Variants in FANK1 observed in about 807,000 individuals in gnomAD.
The protein encoded by FANK1 is fibronectin type 3 and ankyrin repeat domains protein 1.
FANK1 carries 44 observed loss-of-function variants against 45.3 expected under a neutral mutation model. The ratio of observed to expected loss-of-function variants is 0.97; its 90% CI spans 0.76 to 1.25. FANK1 has a LOEUF of 1.25. FANK1 is among the 50% of genes most tolerant of loss of function. The pLI is 0.00. For synonymous variants in FANK1, 149 were observed against 152.5 expected, an observed-to-expected ratio of 0.98 and a Z score of 0.17; for missense variants, 391 against 424.4, an observed-to-expected ratio of 0.92 and a Z score of 0.69.
At chr10:125,914,844 T>C (rs528444973) in intron 1 of FANK1, among the ~76,000 whole-genome samples, 1 of 152,138 alleles carries the variant, frequency 6.6e-6, no homozygotes, top group African/African-American at 2.4e-5. Context: ...AAGTGAGGTC[T>C]GAACTCCCGG....
chr10:125,945,915 G>C (rs550577953), intron 1 of FANK1, among the ~76,000 whole-genome samples: 9 of 152,336 alleles, frequency 5.9e-5, no homozygotes, highest in African/African-American at 2.2e-4. Context: ...AGAACCGGCA[G>C]ACTGCCTCCT....
intron 1 of FANK1, chr10:125,960,343 C>T (rs112328574): frequency 9.0e-5 from 20 of 221,868 alleles, no homozygotes; most frequent in South Asian, 4.9e-4. Flanking sequence ...CTCTCCACGC[C>T]GACCTGCAGC....
intron 1 of FANK1, among the ~76,000 whole-genome samples, chr10:125,964,928 G>T (rs1310989415): frequency 6.6e-6 from 1 of 152,208 alleles, no homozygotes; most frequent in Non-Finnish European, 1.5e-5. Context: ...GGAGGCCAAG[G>T]CTGGCGGAGC....
At chr10:125,920,985 C>T (rs1199275939) in intron 1 of FANK1, among the ~76,000 whole-genome samples, 3 of 152,164 alleles carry the variant, frequency 2.0e-5, no homozygotes, top group African/African-American at 7.2e-5. Context: ...TGTCCACCTT[C>T]CTGCTTCCTC....
chr10:125,967,038 T>G (rs1232807708), intron 1 of FANK1, among the ~76,000 whole-genome samples: 1 of 152,246 alleles, frequency 6.6e-6, no homozygotes, highest in African/African-American at 2.4e-5. Context: ...TTCCACACTT[T>G]TAATGACTAA....
intron 1 of FANK1, among the ~76,000 whole-genome samples, chr10:125,950,196 A>G (rs1254597950): frequency 6.6e-6 from 1 of 151,190 alleles, no homozygotes; most frequent in Non-Finnish European, 1.5e-5. Flanking sequence ...CATTCAGGAC[A>G]TAGGCATGGG....
chr10:125,971,788 AT>A (rs954392047), intron 1 of FANK1, among the ~76,000 whole-genome samples: 19 of 151,910 alleles, frequency 1.3e-4, no homozygotes, highest in East Asian at 7.8e-4. Flanking sequence ...CGGCCGGCTA[AT>A]TTTTTTGTAT....
At chr10:126,006,817 G>A (rs1953251808) in intron 7 of FANK1, among the ~76,000 whole-genome samples, 1 of 152,190 alleles carries the variant, frequency 6.6e-6, no homozygotes, top group Non-Finnish European at 1.5e-5. Context: ...CCAAGATTGT[G>A]CCACTGCACT....
At chr10:125,901,216 C>T (rs1297354680) in intron 1 of FANK1, among the ~76,000 whole-genome samples, 12 of 152,166 alleles carry the variant, frequency 7.9e-5, no homozygotes, top group East Asian at 3.9e-4. Flanking sequence ...ACTAGTCTTC[C>T]AAGCCTTCCC....
At chr10:125,997,891 T>C (rs1426902449) in intron 6 of FANK1, among the ~76,000 whole-genome samples, 1 of 152,220 alleles carries the variant, frequency 6.6e-6, no homozygotes, top group Non-Finnish European at 1.5e-5. Flanking sequence ...GAAATCTTCG[T>C]TGTTTCTAAA....
intron 1 of FANK1, among the ~76,000 whole-genome samples, chr10:125,917,142 T>C (rs1254628121): frequency 6.6e-6 from 1 of 152,230 alleles, no homozygotes; most frequent in Admixed American, 6.5e-5. Context: ...TTACTTATGC[T>C]AAATGCTGTG....
At chr10:125,998,723 T>TA (rs1200365155) in intron 6 of FANK1, among the ~76,000 whole-genome samples, 1 of 148,244 alleles carries the variant, frequency 6.7e-6, no homozygotes, top group African/African-American at 2.5e-5. Flanking sequence ...TAATAGTAGA[T>TA]AATTTCATTG....
intron 1 of FANK1, among the ~76,000 whole-genome samples, chr10:125,944,353 C>T (rs995419055): frequency 6.6e-6 from 1 of 152,158 alleles, no homozygotes; most frequent in Admixed American, 6.6e-5. Context: ...TATAGTTTTC[C>T]AGGCACTCAT....
At chr10:125,952,724 T>G (rs1358537826) in intron 1 of FANK1, among the ~76,000 whole-genome samples, 1 of 151,622 alleles carries the variant, frequency 6.6e-6, no homozygotes, top group Admixed American at 6.6e-5. Context: ...GGTACCTTGT[T>G]GTTGTTCTGT....
rs144216812 is a variant in FANK1, at chr10:125,974,306, G to A, written c.14-5855G>A. On this transcript the variant is annotated intron_variant, in intron 1 of 10. Transcript: ENST00000368693. ...CAGGGCAGCCCTGTCTTCGTCAGTGGGTCTGCACTGCAGGAAGACCCCTGG... is the reference window on the plus strand; with the variant it reads ...CAGGGCAGCCCTGTCTTCGTCAGTGAGTCTGCACTGCAGGAAGACCCCTGG... Among the ~76,000 whole-genome samples the A allele has an allele frequency of 2.6e-3, 389 of 152,280 alleles. 1 individual carries two copies. The highest frequency in any genetic ancestry group is 9.0e-3 in the African/African-American group (373 of 41,552).
intron 1 of FANK1, among the ~76,000 whole-genome samples, chr10:125,913,706 C>A (rs1589822987): frequency 6.6e-6 from 1 of 152,152 alleles, no homozygotes; most frequent in Admixed American, 6.5e-5. Flanking sequence ...TTGCTGTATA[C>A]CAGCTCTGGG....
chr10:125,913,673 G>A lies in FANK1; in HGVS notation c.13+17018G>A, dbSNP rs1946215501. 2.0e-5 allele frequency among the ~76,000 whole-genome samples: 3 copies of A among 152,310 alleles called. No homozygotes were observed. The South Asian group carries it at 6.2e-4, about 32-fold the overall frequency. On this transcript the variant is annotated intron_variant, in intron 1 of 10. Coordinates refer to ENST00000368693, the MANE Select transcript of FANK1 (RefSeq NM_145235.5). ...TGGTTAGGCAAGGCAGCATGGATGG[G>A]TATTGGAATCTGTCAATCTGGGTTG...
At chr10:125,927,179 C>T (rs1947408201) in intron 1 of FANK1, among the ~76,000 whole-genome samples, 2 of 152,192 alleles carry the variant, frequency 1.3e-5, no homozygotes, top group African/African-American at 4.8e-5. Context: ...ATGATCATGG[C>T]TCACTGCAGC....
rs1197901919 is a variant in FANK1, at chr10:125,976,726, G to A, written c.14-3435G>A. On this transcript the variant is annotated intron_variant, in intron 1 of 10. Transcript: ENST00000368693. ...CAGTCTCTGCCTCCCAGGTTCAAGC[G>A]ATTCTCCTACCTCAGCCTCCTGAGT... 3.9e-5 allele frequency among the ~76,000 whole-genome samples: 6 copies of A among 152,084 alleles called. No individual in the cohort carries two copies. The South Asian group carries it at 6.2e-4, about 16-fold the overall frequency.
Sources: gnomAD v4.1 joint callset for allele counts (sites outside exome capture counted in the v4.1 genomes callset) on GRCh38, gnomAD v4.1.1 for gene constraint, MANE v1.5 for transcripts, NCBI Gene and HGNC (gene_info 2026-07-23, HGNC 2026-07-21) for gene names.